The following NAALADL2 variants were observed in gnomAD, a reference collection of about 807,000 sequenced individuals.
NAALADL2 encodes the protein inactive N-acetylated-alpha-linked acidic dipeptidase-like protein 2.
A neutral mutation model predicts 87.2 loss-of-function variants in NAALADL2; 76 were observed. The ratio of observed to expected loss-of-function variants is 0.87; its 90% confidence interval spans 0.72 to 1.05. The LOEUF (loss-of-function observed/expected upper bound fraction) is 1.05, where lower values mean the gene tolerates loss of function less well. NAALADL2 is among the 50% of genes least tolerant of loss of function. NAALADL2 has a pLI of 0.00. For missense variants in NAALADL2, 1,089 were observed against 945.8 expected, an observed-to-expected ratio of 1.15 and a Z score of -1.99; for synonymous variants, 354 against 331.0, an observed-to-expected ratio of 1.07 and a Z score of -0.75.
chr3:174,719,385 A>G (rs980233822), intron 2 of NAALADL2, among the ~76,000 whole-genome samples: 2 of 152,202 alleles, frequency 1.3e-5, no homozygotes, highest in African/African-American at 2.4e-5. Context: ...CCATAAGTTT[A>G]TTACAATTGT....
At chr3:175,300,779 ATTTATTTAT>A (rs1366023808) in intron 4 of NAALADL2, among the ~76,000 whole-genome samples, 88 of 139,866 alleles carry the variant, frequency 6.3e-4, no homozygotes, top group South Asian at 2.1e-3. Flanking sequence ...TTATTTATTT[ATTTATTTAT>A]TTTATTTTAT....
intron 2 of NAALADL2, among the ~76,000 whole-genome samples, chr3:174,627,304 G>T (rs1721667518): frequency 6.6e-6 from 1 of 151,856 alleles, no homozygotes; most frequent in Non-Finnish European, 1.5e-5. Flanking sequence ...ATTTTAAAGA[G>T]TACATATGGC....
intron 11 of NAALADL2, among the ~76,000 whole-genome samples, chr3:175,733,258 G>C (rs111480673): frequency 6.6e-6 from 1 of 152,166 alleles, no homozygotes; most frequent in East Asian, 1.9e-4. Flanking sequence ...AATTTACGAA[G>C]GAAAGAGGTT....
At chr3:174,887,006 C>T (rs1730241938) in intron 1 of NAALADL2, among the ~76,000 whole-genome samples, 1 of 152,182 alleles carries the variant, frequency 6.6e-6, no homozygotes, top group Non-Finnish European at 1.5e-5. Context: ...TGTATTTCTA[C>T]TCTAATAATC....
chr3:174,577,133 A>C (rs1715622244), intron 2 of NAALADL2, among the ~76,000 whole-genome samples: 1 of 152,162 alleles, frequency 6.6e-6, no homozygotes, highest in Middle Eastern at 3.2e-3. Context: ...ATGAAAAATA[A>C]AAATTCAAGA....
chr3:174,775,992 C>T (rs973321323), intron 3 of NAALADL2, among the ~76,000 whole-genome samples: 12 of 152,152 alleles, frequency 7.9e-5, no homozygotes, highest in Non-Finnish European at 1.8e-4. Context: ...AAATGTCCTA[C>T]TATTGCATAT....
chr3:174,914,900 A>G (rs569368456), intron 1 of NAALADL2, among the ~76,000 whole-genome samples: 1 of 152,142 alleles, frequency 6.6e-6, no homozygotes, highest in African/African-American at 2.4e-5. Flanking sequence ...ACAATCTTAG[A>G]ATTATCTTTT....
rs1308662406 is a variant in NAALADL2, at chr3:175,197,310, A to G, written c.546-36621A>G. On this transcript the variant is annotated intron_variant, in intron 2 of 13. Coordinates refer to ENST00000454872, the MANE Select transcript of NAALADL2 (RefSeq NM_207015.3). Reference sequence around the variant, plus strand: ...TGTGCATATGTTTTAATAAATTAAAACTTTTTATAATAGTTTTGTGTATGT... The same window carrying G: ...TGTGCATATGTTTTAATAAATTAAAGCTTTTTATAATAGTTTTGTGTATGT... Among the ~76,000 whole-genome samples the G allele has an allele frequency of 2.0e-5, 3 of 152,130 alleles. No individual in the cohort carries two copies. In the East Asian group the frequency reaches 5.8e-4, roughly 29 times the overall value.
At chr3:174,918,362 C>T (rs1734694401) in intron 1 of NAALADL2, among the ~76,000 whole-genome samples, 1 of 152,040 alleles carries the variant, frequency 6.6e-6, no homozygotes, top group Admixed American at 6.6e-5. Flanking sequence ...CTTGAAGACT[C>T]TAACTTTTTC....
At chr3:174,454,350 G>A (rs1445151324) in intron 1 of NAALADL2, among the ~76,000 whole-genome samples, 1 of 151,830 alleles carries the variant, frequency 6.6e-6, no homozygotes, top group African/African-American at 2.4e-5. Context: ...GAAAATTAAC[G>A]ATATTCAGGA....
At chr3:174,787,662 A>G (rs1409212085) in intron 3 of NAALADL2, among the ~76,000 whole-genome samples, 21 of 118,180 alleles carry the variant, frequency 1.8e-4, no homozygotes, top group African/African-American at 6.1e-4. Flanking sequence ...GGGCTCAACT[A>G]TATTTCAAAA....
chr3:174,790,149 A>G (rs1717282758), intron 3 of NAALADL2, among the ~76,000 whole-genome samples: 1 of 152,166 alleles, frequency 6.6e-6, no homozygotes, highest in Non-Finnish European at 1.5e-5. Flanking sequence ...GCAGCCATAG[A>G]CACTTGGTCT....
intron 11 of NAALADL2, among the ~76,000 whole-genome samples, chr3:175,682,740 A>T (rs1735760118): frequency 6.6e-6 from 1 of 152,012 alleles, no homozygotes; most frequent in Non-Finnish European, 1.5e-5. Context: ...ACATGTTTAC[A>T]CTTGTCCTTG....
intron 2 of NAALADL2, among the ~76,000 whole-genome samples, chr3:175,161,827 GTCAA>G (rs1461768288): frequency 6.6e-6 from 1 of 152,116 alleles, no homozygotes; most frequent in Admixed American, 6.6e-5. Context: ...GTCTGTGTCT[GTCAA>G]TCAATTATTG....
At chr3:175,070,082 C>T (rs1715331998) in intron 1 of NAALADL2, among the ~76,000 whole-genome samples, 1 of 149,998 alleles carries the variant, frequency 6.7e-6, no homozygotes, top group Non-Finnish European at 1.5e-5. Context: ...TTAATGGGTG[C>T]AGCACACCAG....
intron 2 of NAALADL2, among the ~76,000 whole-genome samples, chr3:174,562,373 T>G (rs1439664558): frequency 6.6e-6 from 1 of 152,126 alleles, no homozygotes; most frequent in East Asian, 1.9e-4. Context: ...TATGGTAATA[T>G]TTTTAGATCA....
At chr3:174,452,045 G>T (rs1715527852) in intron 1 of NAALADL2, among the ~76,000 whole-genome samples, 1 of 151,506 alleles carries the variant, frequency 6.6e-6, no homozygotes, top group South Asian at 2.1e-4. Flanking sequence ...GTTTTGCTAT[G>T]TTGGTCAGGC....
chr3:174,469,200 TCTC>T (rs1191163268), intron 1 of NAALADL2, among the ~76,000 whole-genome samples: 2 of 152,100 alleles, frequency 1.3e-5, no homozygotes, highest in Non-Finnish European at 2.9e-5. Flanking sequence ...TCATACTACT[TCTC>T]CTCTGGACAT....
intron 3 of NAALADL2, among the ~76,000 whole-genome samples, chr3:175,244,010 C>T (rs1015216869): frequency 2.0e-5 from 3 of 152,132 alleles, no homozygotes; most frequent in African/African-American, 4.8e-5. Context: ...CTGACTGGCT[C>T]ACAAGCCCTC....
Sources: allele counts gnomAD v4.1 joint callset (sites outside exome capture counted in the v4.1 genomes callset), GRCh38; gene constraint gnomAD v4.1.1; transcripts MANE v1.5; gene names NCBI Gene and HGNC (gene_info 2026-07-23, HGNC 2026-07-21).